The following THSD7B variants were observed in gnomAD, a reference collection of about 807,000 sequenced individuals.
THSD7B encodes thrombospondin type-1 domain-containing protein 7B.
In THSD7B, 138 loss-of-function variants were observed where a neutral mutation model predicts 213.6. That is an observed-to-expected ratio of 0.65 (90% CI 0.56 to 0.74). The LOEUF (loss-of-function observed/expected upper bound fraction) is 0.74. Among genes scored for constraint, THSD7B ranks in the 30% least tolerant of loss-of-function variants. THSD7B has a pLI of 0.00. For missense variants in THSD7B, 1,931 were observed against 1,991.5 expected (o/e 0.97, Z 0.58); for synonymous variants, 742 against 687.0 (o/e 1.08, Z -1.25).
chr2:137,074,375 A>T (rs960619005), intron 3 of THSD7B, among the ~76,000 whole-genome samples: 1 of 152,022 alleles, frequency 6.6e-6, no homozygotes, highest in East Asian at 1.9e-4. Context: ...TTGTTGGTTT[A>T]AAGTCTGTTT....
chr2:137,132,714 A>G (rs1688761139), intron 5 of THSD7B, among the ~76,000 whole-genome samples: 1 of 152,204 alleles, frequency 6.6e-6, no homozygotes, highest in African/African-American at 2.4e-5. Flanking sequence ...TCTCTCAGAC[A>G]GTGATTTCCT....
chr2:137,122,845 C>G (rs1484001108), intron 5 of THSD7B, among the ~76,000 whole-genome samples: 3 of 152,108 alleles, frequency 2.0e-5, no homozygotes, highest in Non-Finnish European at 4.4e-5. Context: ...AGTATCTCTT[C>G]TGGGAGTTCT....
intron 7 of THSD7B, among the ~76,000 whole-genome samples, chr2:137,227,538 T>C (rs1464121052): frequency 6.6e-6 from 1 of 152,172 alleles, no homozygotes; most frequent in African/African-American, 2.4e-5. Context: ...CATGGTCTCA[T>C]TGATCCATCC....
intron 3 of THSD7B, among the ~76,000 whole-genome samples, chr2:137,063,155 A>G (rs140907259): frequency 4.5e-4 from 69 of 151,712 alleles, no homozygotes; most frequent in African/African-American, 1.6e-3. Flanking sequence ...CTAGCATAGT[A>G]TATCTATGCT....
chr2:136,837,131 C>T (rs948435570), intron 1 of THSD7B, among the ~76,000 whole-genome samples: 12 of 152,154 alleles, frequency 7.9e-5, no homozygotes, highest in African/African-American at 2.7e-4. Context: ...GGTCTGTATT[C>T]GATCCTCTAT....
intron 2 of THSD7B, among the ~76,000 whole-genome samples, chr2:136,955,845 G>C (rs1406637266): frequency 6.6e-5 from 10 of 151,884 alleles, no homozygotes; most frequent in Admixed American, 6.6e-4. Flanking sequence ...AGTAGAGATG[G>C]GGTTTCACCA....
rs530695530 is a variant in THSD7B, at chr2:137,207,967, G to A, written c.1724-23077G>A. The stretch of plus-strand genomic sequence containing the variant: ...ATTAATGCAAGGCTGCCAAGTGGAA[G>A]TGTTCCCAGACCAAACAGGGTAGGG... On this transcript the variant is annotated intron_variant, in intron 7 of 27. Coordinates refer to ENST00000409968, the MANE Select transcript of THSD7B (RefSeq NM_001316349.2). 1.5e-4 allele frequency among the ~76,000 whole-genome samples: 23 copies of A among 152,190 alleles called. No individual in the cohort carries two copies. In the East Asian group the frequency reaches 4.5e-3, roughly 30 times the overall value.
rs963798509 is a variant in THSD7B, at chr2:137,271,387, A to T, written c.2267-1146A>T. Among the ~76,000 whole-genome samples, 2 of 139,302 alleles carry T rather than the reference A, an allele frequency of 1.4e-5. 1 individual carries two copies. Among genetic ancestry groups the T allele is most frequent in the East Asian group, 5.5e-4 (2 of 3,656 alleles). 91.4% of individuals were successfully genotyped at this position (139,302 alleles called of 152,430 possible). On this transcript the variant is annotated intron_variant, in intron 10 of 27. Transcript: ENST00000409968. ...AATGGCTTCATTCATATATATATATATTATGAATTATATATATATGAATTA... is the reference window on the plus strand; with the variant it reads ...AATGGCTTCATTCATATATATATATTTTATGAATTATATATATATGAATTA...
intron 15 of THSD7B, among the ~76,000 whole-genome samples, chr2:137,531,009 C>T (rs544889358): frequency 4.6e-5 from 7 of 152,078 alleles, no homozygotes; most frequent in African/African-American, 1.2e-4. Flanking sequence ...TCTGTCACTA[C>T]AAAGCATTTT....
intron 15 of THSD7B, among the ~76,000 whole-genome samples, chr2:137,491,942 T>C (rs1227923834): frequency 6.6e-6 from 1 of 152,206 alleles, no homozygotes; most frequent in Non-Finnish European, 1.5e-5. Context: ...GTGTTGGTCT[T>C]TGAAAAATGT....
chr2:137,235,114 A>G (rs2105058282), intron 9 of THSD7B, among the ~76,000 whole-genome samples: 1 of 152,292 alleles, frequency 6.6e-6, no homozygotes, highest in East Asian at 1.9e-4. Flanking sequence ...TTATGGTAAA[A>G]TTCTGAAAGT....
intron 15 of THSD7B, among the ~76,000 whole-genome samples, chr2:137,502,012 G>A (rs1278788254): frequency 6.6e-6 from 1 of 152,164 alleles, no homozygotes; most frequent in African/African-American, 2.4e-5. Context: ...GTGTTGATTT[G>A]TCTGCTTTCA....
intron 1 of THSD7B, among the ~76,000 whole-genome samples, chr2:136,840,401 A>G (rs1433130692): frequency 3.9e-5 from 6 of 152,108 alleles, no homozygotes; most frequent in South Asian, 2.1e-4. Flanking sequence ...AATAAAAAAG[A>G]ATATTGAGAA....
chr2:136,893,545 ATAAAC>A (rs1648459281), intron 2 of THSD7B, among the ~76,000 whole-genome samples: 1 of 152,226 alleles, frequency 6.6e-6, no homozygotes, highest in South Asian at 2.1e-4. Flanking sequence ...GAATTGAATC[ATAAAC>A]TAAAGACTGA....
At chr2:137,398,709 G>A (rs1157459135) in intron 12 of THSD7B, among the ~76,000 whole-genome samples, 2 of 152,200 alleles carry the variant, frequency 1.3e-5, no homozygotes, top group African/African-American at 2.4e-5. Flanking sequence ...GAGCTTCAGG[G>A]CTGCTTTGTT....
At chr2:137,218,642 A>G (rs1000086903) in intron 7 of THSD7B, among the ~76,000 whole-genome samples, 2 of 152,134 alleles carry the variant, frequency 1.3e-5, no homozygotes, top group African/African-American at 4.8e-5. Context: ...GTAGAAATCT[A>G]TACATTCATG....
At chr2:137,078,206 C>A (rs763365349) in intron 3 of THSD7B, among the ~76,000 whole-genome samples, 1 of 152,118 alleles carries the variant, frequency 6.6e-6, no homozygotes, top group African/African-American at 2.4e-5. Flanking sequence ...GGTACCAGTT[C>A]CATGCTGTTT....
chr2:137,635,227 TAG>T (rs1382739734), intron 20 of THSD7B, among the ~76,000 whole-genome samples: 3 of 152,216 alleles, frequency 2.0e-5, no homozygotes, highest in East Asian at 1.9e-4. Context: ...AGTGCACGAA[TAG>T]AGAGTCAACT....
chr2:137,282,992 G>A (rs1683067274), intron 12 of THSD7B, among the ~76,000 whole-genome samples: 1 of 152,004 alleles, frequency 6.6e-6, no homozygotes, highest in African/African-American at 2.4e-5. Context: ...AAATTACCTT[G>A]GGCAGTATGG....
Sources: allele counts gnomAD v4.1 joint callset (sites outside exome capture counted in the v4.1 genomes callset), GRCh38; gene constraint gnomAD v4.1.1; transcripts MANE v1.5; gene names NCBI Gene and HGNC (gene_info 2026-07-23, HGNC 2026-07-21).